LHFPL6: variants seen among roughly 807,000 people sequenced by gnomAD.
LHFPL6 encodes LHFPL tetraspan subfamily member 6, also known as LHFPL tetraspan subfamily member 6 protein.
Under a neutral mutation model 20.6 loss-of-function variants are expected in LHFPL6, and 9 were observed. The ratio of observed to expected loss-of-function variants is 0.44; its 90% CI spans 0.26 to 0.76. The LOEUF is 0.76. Among genes scored for constraint, LHFPL6 ranks in the 30% least tolerant of loss-of-function variants. The pLI is 0.20. For synonymous variants in LHFPL6, 105 were observed against 98.7 expected (o/e 1.06, Z -0.38); for missense variants, 218 against 253.5 (o/e 0.86, Z 0.95).
At chr13:39,552,510 G>T (rs1402881669) in intron 2 of LHFPL6, among the ~76,000 whole-genome samples, 3 of 152,162 alleles carry the variant, frequency 2.0e-5, no homozygotes, top group African/African-American at 7.2e-5. Context: ...AATAATAATT[G>T]CTTCCCAAGT....
chr13:39,426,546 G>T (rs1871643753), intron 2 of LHFPL6, among the ~76,000 whole-genome samples: 1 of 152,018 alleles, frequency 6.6e-6, no homozygotes, highest in Admixed American at 6.6e-5. Flanking sequence ...CTATAAATTT[G>T]CCTATTCTAA....
chr13:39,449,438 T>C (rs1872383299), intron 2 of LHFPL6, among the ~76,000 whole-genome samples: 1 of 152,210 alleles, frequency 6.6e-6, no homozygotes, highest in East Asian at 1.9e-4. Context: ...GTAGTATTGA[T>C]AGGAAAAGTA....
intron 2 of LHFPL6, among the ~76,000 whole-genome samples, chr13:39,435,038 G>A (rs1319477724): frequency 7.0e-6 from 1 of 142,552 alleles, no homozygotes; most frequent in African/African-American, 2.6e-5. Flanking sequence ...AGTCCGACCT[G>A]GGCGACAGAG....
At position 39,441,137 on chromosome 13, in the gene LHFPL6, ATTTTT is replaced by A. The variant is rs57695621; in HGVS notation, c.386-62616_386-62612del. On this transcript the variant is annotated intron_variant, in intron 2 of 3. Coordinates refer to ENST00000379589, the MANE Select transcript of LHFPL6 (RefSeq NM_005780.3). Reference sequence around the variant, plus strand: ...CAGGCATGTGCCACCATGCCAACTAATTTTTTTTTTTTTTTTTTTTTTTTTTTTTG... The same window carrying A: ...CAGGCATGTGCCACCATGCCAACTAATTTTTTTTTTTTTTTTTTTTTTTTG... Among the ~76,000 whole-genome samples the A allele has an allele frequency of 1.9e-3, 175 of 91,424 alleles. 4 individuals carry two copies. Among genetic ancestry groups the A allele is most frequent in the Middle Eastern group, 7.4e-3 (1 of 136 alleles). The allele number at this position is 91,424 out of a possible 152,430, so 60.0% of individuals were successfully genotyped here. A position where few individuals can be genotyped will look rare whatever the true frequency, so the allele number is the denominator to read the frequency against.
chr13:39,445,464 A>T (rs1452800829), intron 2 of LHFPL6, among the ~76,000 whole-genome samples: 1 of 152,202 alleles, frequency 6.6e-6, no homozygotes, highest in Non-Finnish European at 1.5e-5. Context: ...CAGCTCCTAA[A>T]TTGGACCTGA....
intron 2 of LHFPL6, among the ~76,000 whole-genome samples, chr13:39,422,886 C>T (rs560001711): frequency 2.0e-5 from 3 of 152,042 alleles, no homozygotes; most frequent in Admixed American, 1.3e-4. Context: ...ACAATCATGG[C>T]GGAAGGGGAA....
chr13:39,599,676 CTT>C (rs1028689907), intron 2 of LHFPL6, among the ~76,000 whole-genome samples: 24 of 152,332 alleles, frequency 1.6e-4, no homozygotes, highest in African/African-American at 5.5e-4. Flanking sequence ...AAACACAAAA[CTT>C]TGCCACTTGC....
At chr13:39,427,676 C>T (rs528623) in intron 2 of LHFPL6, among the ~76,000 whole-genome samples, 144,209 of 152,258 alleles carry the variant, frequency 0.95, 68,792 homozygotes, top group East Asian at 1. Context: ...TTGGATATGA[C>T]TTGCTAAAAA....
intron 3 of LHFPL6, among the ~76,000 whole-genome samples, chr13:39,344,414 A>C (rs1869335359): frequency 6.6e-6 from 1 of 152,218 alleles, no homozygotes; most frequent in African/African-American, 2.4e-5. Context: ...AAAGTACTTT[A>C]GGGAAAAAAA....
At chr13:39,485,255 A>C (rs998222252) in intron 2 of LHFPL6, among the ~76,000 whole-genome samples, 2 of 152,206 alleles carry the variant, frequency 1.3e-5, no homozygotes, top group Non-Finnish European at 2.9e-5. Flanking sequence ...TATCAACATC[A>C]CTATTTTCCA....
chr13:39,519,644 TA>T (rs897180397), intron 2 of LHFPL6, among the ~76,000 whole-genome samples: 1 of 152,210 alleles, frequency 6.6e-6, no homozygotes, highest in Non-Finnish European at 1.5e-5. Flanking sequence ...ATTGTGAAGC[TA>T]AATATGACAC....
intron 2 of LHFPL6, among the ~76,000 whole-genome samples, chr13:39,526,821 G>A (rs1360766114): frequency 3.3e-5 from 5 of 152,184 alleles, no homozygotes; most frequent in African/African-American, 9.7e-5. Flanking sequence ...TTTAAGTGAC[G>A]CTTCACTTAG....
intron 2 of LHFPL6, among the ~76,000 whole-genome samples, chr13:39,483,285 T>G (rs2138446962): frequency 6.6e-6 from 1 of 152,270 alleles, no homozygotes; most frequent in Middle Eastern, 3.4e-3. Context: ...TGTCAAAATG[T>G]GTACCCTCCT....
intron 2 of LHFPL6, among the ~76,000 whole-genome samples, chr13:39,520,909 T>C (rs1490371292): frequency 1.3e-5 from 2 of 152,088 alleles, no homozygotes; most frequent in African/African-American, 2.4e-5. Context: ...GGTGATTTCA[T>C]TGTGCAACCA....
intron 2 of LHFPL6, among the ~76,000 whole-genome samples, chr13:39,600,018 T>G (rs1027566565): frequency 6.6e-6 from 1 of 152,186 alleles, no homozygotes; most frequent in African/African-American, 2.4e-5. Flanking sequence ...GCCAGTCAGG[T>G]TGAAGAATGG....
At chr13:39,412,883 T>G (rs532351027) in intron 2 of LHFPL6, among the ~76,000 whole-genome samples, 3 of 151,324 alleles carry the variant, frequency 2.0e-5, no homozygotes, top group Admixed American at 1.3e-4. Context: ...GATTGCACCA[T>G]TGCACTCCAG....
At chr13:39,512,910 T>C (rs186181515) in intron 2 of LHFPL6, among the ~76,000 whole-genome samples, 9 of 152,342 alleles carry the variant, frequency 5.9e-5, no homozygotes, top group Non-Finnish European at 1.0e-4. Context: ...TTGAAAGACG[T>C]GCCCAGGCAC....
intron 2 of LHFPL6, among the ~76,000 whole-genome samples, chr13:39,523,603 C>A (rs1281379182): frequency 6.6e-6 from 1 of 151,226 alleles, no homozygotes; most frequent in East Asian, 1.9e-4. Flanking sequence ...GATATGAAGA[C>A]CCAGGTCATA....
chr13:39,576,587 G>A (rs1030072613), intron 2 of LHFPL6, among the ~76,000 whole-genome samples: 19 of 152,114 alleles, frequency 1.2e-4, no homozygotes, highest in African/African-American at 4.1e-4. Flanking sequence ...TTTCTGACCC[G>A]TGCAGCTCCA....
Sources: gnomAD v4.1 joint callset for allele counts (sites outside exome capture counted in the v4.1 genomes callset) on GRCh38, gnomAD v4.1.1 for gene constraint, MANE v1.5 for transcripts, NCBI Gene and HGNC (gene_info 2026-07-23, HGNC 2026-07-21) for gene names.